PTPRM: variants seen among roughly 807,000 people sequenced by gnomAD.
The protein encoded by PTPRM is protein tyrosine phosphatase receptor type M.
A neutral mutation model predicts 186.7 loss-of-function variants in PTPRM; 47 were observed. The ratio of observed to expected loss-of-function variants is 0.25; its 90% CI spans 0.20 to 0.32. PTPRM has a LOEUF of 0.32. Among genes scored for constraint, PTPRM ranks in the 10% least tolerant of loss-of-function variants. The pLI is 1.00. For missense variants in PTPRM, 1,494 were observed against 1,865.0 expected, an observed-to-expected ratio of 0.80 and a Z score of 3.66; for synonymous variants, 668 against 674.9, an observed-to-expected ratio of 0.99 and a Z score of 0.16.
intron 1 of PTPRM, among the ~76,000 whole-genome samples, chr18:7,682,773 C>A (rs146086512): frequency 4.6e-5 from 7 of 152,044 alleles, no homozygotes; most frequent in Non-Finnish European, 2.9e-5. Context: ...TGGAGGAAGT[C>A]GTTTATGATT....
At chr18:8,311,384 C>A (rs1006847071) in intron 20 of PTPRM, among the ~76,000 whole-genome samples, 3 of 152,002 alleles carry the variant, frequency 2.0e-5, no homozygotes, top group African/African-American at 7.2e-5. Context: ...CCTGGACCAC[C>A]ACCCATTCAT....
chr18:8,344,282 A>G (rs933064576), intron 23 of PTPRM, among the ~76,000 whole-genome samples: 6 of 152,172 alleles, frequency 3.9e-5, no homozygotes, highest in African/African-American at 1.4e-4. Context: ...GACAGGAGCC[A>G]TAAAGGGTTT....
In PTPRM at chr18:7,904,972, T is replaced by G. The variant is rs374030753; in HGVS notation, c.469-1533T>G. ...AAATTGATAACCCTTTTACTGGTTC[T>G]TTCTTTCTTTCCTTTTTTTTATTTT... On this transcript the variant is annotated intron_variant, in intron 3 of 32. Transcript: ENST00000580170. Among the ~76,000 whole-genome samples, 7 of 152,110 alleles carry G rather than the reference T, an allele frequency of 4.6e-5. No homozygotes were observed. In the East Asian group the frequency reaches 1.2e-3, roughly 25 times the overall value.
intron 1 of PTPRM, among the ~76,000 whole-genome samples, chr18:7,657,108 C>T (rs2038868828): frequency 6.6e-6 from 1 of 152,192 alleles, no homozygotes; most frequent in African/African-American, 2.4e-5. Context: ...ATAGTTGTGT[C>T]CCTGTCCCTT....
chr18:8,253,276 T>C lies in PTPRM; in HGVS notation c.2616T>C (p.His872=), dbSNP rs750190733. 16 of 1,592,238 alleles carry C rather than the reference T, an allele frequency of 1.0e-5. No homozygotes were observed. Among genetic ancestry groups the C allele is most frequent in the Non-Finnish European group, 1.4e-5 (16 of 1,169,366 alleles). ...ATACCAGCAGCCTGGTGCAGTCCCA[T>C]ACTTACAAGAAGCGAGAGCCGGCCG... ...ASDTSSLVQS[H]TYKKREPADV... Residue 872 remains histidine (H), a synonymous_variant, in exon 19 of 33, where the codon CAT becomes CAC. Coordinates refer to ENST00000580170, the MANE Select transcript of PTPRM (RefSeq NM_001105244.2).
chr18:7,686,859 C>T (rs534069654), intron 1 of PTPRM, among the ~76,000 whole-genome samples: 33 of 152,042 alleles, frequency 2.2e-4, no homozygotes, highest in Admixed American at 1.6e-3. Context: ...AGCCAACAAG[C>T]CACAAGCTTC....
At chr18:8,240,299 T>C (rs2094400442) in intron 14 of PTPRM, among the ~76,000 whole-genome samples, 1 of 151,868 alleles carries the variant, frequency 6.6e-6, no homozygotes. Context: ...TTTGGGTATA[T>C]TGTATTTTTA....
chr18:8,388,905 G>A (rs1368151562), intron 31 of PTPRM, among the ~76,000 whole-genome samples: 1 of 152,102 alleles, frequency 6.6e-6, no homozygotes, highest in East Asian at 1.9e-4. Flanking sequence ...AGCTTGCAGT[G>A]AGCCGAGATG....
intron 14 of PTPRM, among the ~76,000 whole-genome samples, chr18:8,207,267 A>C (rs973495935): frequency 1.3e-5 from 2 of 152,190 alleles, no homozygotes; most frequent in Non-Finnish European, 1.5e-5. Context: ...ACCAGAATAG[A>C]AATTGGTACA....
intron 20 of PTPRM, among the ~76,000 whole-genome samples, chr18:8,312,579 T>C (rs1427932251): frequency 6.6e-6 from 1 of 152,130 alleles, no homozygotes; most frequent in Non-Finnish European, 1.5e-5. Context: ...TTTATGTGTA[T>C]TATTTTGATG....
At chr18:7,849,913 AATC>A (rs2046783305) in intron 2 of PTPRM, among the ~76,000 whole-genome samples, 8 of 152,222 alleles carry the variant, frequency 5.3e-5, no homozygotes, top group African/African-American at 1.4e-4. Context: ...TAATACTAGT[AATC>A]ATAATAGTTT....
At chr18:8,214,846 A>G (rs1398447704) in intron 14 of PTPRM, among the ~76,000 whole-genome samples, 4 of 152,134 alleles carry the variant, frequency 2.6e-5, no homozygotes. Flanking sequence ...TATTTTTAGT[A>G]GAGATGGGGT....
At chr18:8,124,137 A>G (rs2092266282) in intron 13 of PTPRM, among the ~76,000 whole-genome samples, 1 of 152,160 alleles carries the variant, frequency 6.6e-6, no homozygotes, top group Admixed American at 6.5e-5. Flanking sequence ...CATGGCTGCT[A>G]TTCCTCCTAA....
At chr18:8,044,426 A>G (rs1051226364) in intron 7 of PTPRM, among the ~76,000 whole-genome samples, 2 of 152,124 alleles carry the variant, frequency 1.3e-5, no homozygotes, top group African/African-American at 2.4e-5. Context: ...AGGATGTGTA[A>G]ATATGACTCA....
chr18:8,020,899 T>C (rs1026140134), intron 7 of PTPRM, among the ~76,000 whole-genome samples: 7 of 152,292 alleles, frequency 4.6e-5, no homozygotes, highest in African/African-American at 1.4e-4. Context: ...TGTGTGGGAC[T>C]CGGATTTGTA....
intron 1 of PTPRM, among the ~76,000 whole-genome samples, chr18:7,735,673 T>A (rs935146401): frequency 1.3e-5 from 2 of 152,168 alleles, no homozygotes; most frequent in African/African-American, 4.8e-5. Context: ...ATCTTTCCCC[T>A]TGCAGTCCTT....
intron 1 of PTPRM, among the ~76,000 whole-genome samples, chr18:7,696,668 A>T (rs1488165381): frequency 6.6e-6 from 1 of 152,324 alleles, no homozygotes; most frequent in Middle Eastern, 3.4e-3. Flanking sequence ...TTTGTTGTGG[A>T]CAACTTCAGT....
chr18:7,794,531 A>G (rs1193824373), intron 2 of PTPRM, among the ~76,000 whole-genome samples: 4 of 152,188 alleles, frequency 2.6e-5, no homozygotes, highest in Non-Finnish European at 5.9e-5. Flanking sequence ...CATAGGGCCC[A>G]AGTCTCATCA....
rs1285544087 is a variant in PTPRM, at chr18:8,192,032, T to A, written c.2300+48253T>A. On this transcript the variant is annotated intron_variant, in intron 14 of 32. Transcript: ENST00000580170. Reference sequence around the variant, plus strand: ...TAAGCTTTATTTAGATTTATTTTATTATTAATAATATTGATATTATTATTC... The same window carrying A: ...TAAGCTTTATTTAGATTTATTTTATAATTAATAATATTGATATTATTATTC... Among the ~76,000 whole-genome samples, 5 of 151,776 alleles carry A rather than the reference T, an allele frequency of 3.3e-5. No homozygotes were observed. In the East Asian group the frequency reaches 7.7e-4, roughly 23 times the overall value.
Sources: gnomAD v4.1 joint callset for allele counts (sites outside exome capture counted in the v4.1 genomes callset) on GRCh38, gnomAD v4.1.1 for gene constraint, MANE v1.5 for transcripts, NCBI Gene and HGNC (gene_info 2026-07-23, HGNC 2026-07-21) for gene names.